Variants in PPP3CA observed in about 807,000 individuals in gnomAD.
The protein encoded by PPP3CA is protein phosphatase 3 catalytic subunit alpha.
PPP3CA carries 14 observed loss-of-function variants against 66.5 expected under a neutral mutation model. That is an observed-to-expected ratio of 0.21 (90% CI 0.14 to 0.33). The LOEUF (loss-of-function observed/expected upper bound fraction) is 0.33, where lower values mean the gene tolerates loss of function less well. Ranked by LOEUF, PPP3CA falls within the 10% of genes least tolerant of loss-of-function variation. The probability of loss-of-function intolerance (pLI) is 1.00; values close to 1 mark genes in which losing one functional copy is unlikely to be tolerated. For missense variants in PPP3CA, 317 were observed against 639.5 expected (o/e 0.50, Z 5.44); for synonymous variants, 232 against 226.2 (o/e 1.03, Z -0.23).
At chr4:101,236,385 A>G (rs937022001) in intron 1 of PPP3CA, among the ~76,000 whole-genome samples, 1 of 151,936 alleles carries the variant, frequency 6.6e-6, no homozygotes, top group African/African-American at 2.4e-5. Context: ...GAAGAACTGA[A>G]AGAAACCATG....
At chr4:101,314,556 TC>T (rs1470436811) in intron 1 of PPP3CA, among the ~76,000 whole-genome samples, 13 of 98,486 alleles carry the variant, frequency 1.3e-4, no homozygotes, top group African/African-American at 5.3e-4. Flanking sequence ...AGAGCAAGAC[TC>T]CATCTCAAAA....
At chr4:101,158,724 A>G (rs1723406913) in intron 2 of PPP3CA, among the ~76,000 whole-genome samples, 2 of 152,206 alleles carry the variant, frequency 1.3e-5, no homozygotes, top group Non-Finnish European at 2.9e-5. Context: ...GTATCTGGTT[A>G]TTCAATACCC....
chr4:101,073,358 C>T (rs1729006868), intron 8 of PPP3CA, among the ~76,000 whole-genome samples: 1 of 151,486 alleles, frequency 6.6e-6, no homozygotes, highest in Non-Finnish European at 1.5e-5. Context: ...CTCACTGCAA[C>T]CTCGGCCTCC....
chr4:101,140,562 T>C (rs10026462), intron 2 of PPP3CA, among the ~76,000 whole-genome samples: 1 of 152,186 alleles, frequency 6.6e-6, no homozygotes, highest in African/African-American at 2.4e-5. Flanking sequence ...TAAGATGCAT[T>C]ACCTATGTGA....
intron 1 of PPP3CA, among the ~76,000 whole-genome samples, chr4:101,301,631 T>A (rs1728379885): frequency 6.7e-6 from 1 of 148,828 alleles, no homozygotes; most frequent in African/African-American, 2.4e-5. Context: ...TAGCTAGGAT[T>A]TACAGGCACT....
chr4:101,027,293 T>C (rs2110201411), intron 13 of PPP3CA, among the ~76,000 whole-genome samples: 1 of 151,544 alleles, frequency 6.6e-6, no homozygotes, highest in Non-Finnish European at 1.5e-5. Flanking sequence ...AGTTTCAAGC[T>C]GAAACTTTAC....
At chr4:101,176,375 T>C (rs1724059690) in intron 2 of PPP3CA, among the ~76,000 whole-genome samples, 1 of 152,092 alleles carries the variant, frequency 6.6e-6, no homozygotes, top group African/African-American at 2.4e-5. Context: ...CCTTCTCCAT[T>C]GTTATTCGGA....
chr4:101,305,944 T>C (rs1426484066), intron 1 of PPP3CA, among the ~76,000 whole-genome samples: 1 of 152,088 alleles, frequency 6.6e-6, no homozygotes, highest in African/African-American at 2.4e-5. Flanking sequence ...TTTGAGAGGA[T>C]AAGACTTGCT....
rs527529948 is a variant in PPP3CA, at chr4:101,294,748, G to A, written c.58+51991C>T. Among the ~76,000 whole-genome samples, 7 of 152,044 alleles carry A rather than the reference G, an allele frequency of 4.6e-5. No individual in the cohort carries two copies. The South Asian group carries it at 1.5e-3, about 32-fold the overall frequency. Reference sequence around the variant, plus strand: ...GGGGGAGTTCTATGCATTGTAGGATGTTTGGCAGCATCTCTGGCTTTTACT... The same window carrying A: ...GGGGGAGTTCTATGCATTGTAGGATATTTGGCAGCATCTCTGGCTTTTACT... On this transcript the variant is annotated intron_variant, in intron 1 of 13. Coordinates refer to ENST00000394854, the MANE Select transcript of PPP3CA (RefSeq NM_000944.5).
chr4:101,343,794 T>C (rs924842302), intron 1 of PPP3CA, among the ~76,000 whole-genome samples: 5 of 152,286 alleles, frequency 3.3e-5, no homozygotes, highest in Admixed American at 6.5e-5. Context: ...AAAAATAACA[T>C]AGTTGAGACA....
chr4:101,301,826 A>T (rs1728386834), intron 1 of PPP3CA, among the ~76,000 whole-genome samples: 2 of 149,382 alleles, frequency 1.3e-5, no homozygotes, highest in South Asian at 4.2e-4. Flanking sequence ...TATTTTATAT[A>T]TATATATATA....
intron 2 of PPP3CA, among the ~76,000 whole-genome samples, chr4:101,143,611 C>T (rs1423895157): frequency 1.3e-5 from 2 of 152,140 alleles, no homozygotes; most frequent in Non-Finnish European, 2.9e-5. Context: ...ATTCTTGAGT[C>T]CACCTCTCCT....
At chr4:101,026,151 T>A in intron 13 of PPP3CA, 90 bp from the exon 14 acceptor site, 1 of 1,131,040 alleles carries the variant, frequency 8.8e-7, no homozygotes, top group Non-Finnish European at 1.2e-6. Flanking sequence ...GTTAGAGATT[T>A]CTCAGTGAGA....
chr4:101,060,955 A>G, intron 10 of PPP3CA, 132 bp downstream of exon 10: 1 of 763,002 alleles, frequency 1.3e-6, no homozygotes, highest in Admixed American at 2.9e-5. Flanking sequence ...AAATGAAATC[A>G]TATCTTTTAT....
At chr4:101,297,019 C>A (rs908208134) in intron 1 of PPP3CA, among the ~76,000 whole-genome samples, 1 of 152,130 alleles carries the variant, frequency 6.6e-6, no homozygotes, top group Admixed American at 6.5e-5. Context: ...CAATTGAGTA[C>A]AATATCATTC....
intron 1 of PPP3CA, 93 bp downstream of exon 1, chr4:101,346,645 TG>T: frequency 9.4e-7 from 1 of 1,063,502 alleles, no homozygotes; most frequent in Non-Finnish European, 1.4e-6. Context: ...GAGGAGAACC[TG>T]GGGCGGGGGA....
chr4:101,088,900 G>A (rs1488952982), intron 6 of PPP3CA, among the ~76,000 whole-genome samples: 2 of 152,060 alleles, frequency 1.3e-5, no homozygotes, highest in East Asian at 1.9e-4. Flanking sequence ...TTCAATACAC[G>A]AGGAAAAAGC....
chr4:101,160,699 G>A (rs1159394862), intron 2 of PPP3CA, among the ~76,000 whole-genome samples: 1 of 151,932 alleles, frequency 6.6e-6, no homozygotes, highest in African/African-American at 2.4e-5. Flanking sequence ...TGAATCAATA[G>A]CTATTTCTTC....
At chr4:101,034,493 GC>G (rs1350845233) in intron 11 of PPP3CA, among the ~76,000 whole-genome samples, 1 of 148,208 alleles carries the variant, frequency 6.7e-6, no homozygotes, top group Non-Finnish European at 1.5e-5. Flanking sequence ...CTCCTGCCAT[GC>G]CCCCACCCCC....
Sources: gnomAD v4.1 joint callset for allele counts (sites outside exome capture counted in the v4.1 genomes callset) on GRCh38, gnomAD v4.1.1 for gene constraint, MANE v1.5 for transcripts, NCBI Gene and HGNC (gene_info 2026-07-23, HGNC 2026-07-21) for gene names.